Variants in PIK3C2A observed in about 807,000 individuals in gnomAD.
PIK3C2A encodes phosphatidylinositol 4-phosphate 3-kinase C2 domain-containing subunit alpha.
Under a neutral mutation model 204.5 loss-of-function variants are expected in PIK3C2A, and 97 were observed. The ratio of observed to expected loss-of-function variants is 0.47; its 90% CI spans 0.40 to 0.56. The LOEUF (loss-of-function observed/expected upper bound fraction) is 0.56. PIK3C2A is among the 20% of genes least tolerant of loss of function. The pLI, the probability that PIK3C2A is intolerant of heterozygous loss-of-function variation, is 0.00. For missense variants in PIK3C2A, 1,735 were observed against 1,969.2 expected, an observed-to-expected ratio of 0.88 and a Z score of 2.25; for synonymous variants, 653 against 664.4, an observed-to-expected ratio of 0.98 and a Z score of 0.26.
intron 1 of PIK3C2A, among the ~76,000 whole-genome samples, chr11:17,177,017 A>C (rs1333319033): frequency 6.6e-6 from 1 of 152,200 alleles, no homozygotes; most frequent in African/African-American, 2.4e-5. Flanking sequence ...AAATTTAAGC[A>C]TACAAGTTAT....
Position 17,186,709 on chromosome 11 carries a change from T to A in PIK3C2A, c.-65-16903A>T, listed in dbSNP as rs1851764562. On this transcript the variant is annotated intron_variant, in intron 1 of 32. Transcript: ENST00000691414. ...TTCTTCAGAGCCACATGGCCCTTTT[T>A]AGTCAGACCAAAACACATTCCTATT... Among the ~76,000 whole-genome samples, 4 of 152,370 alleles carry A rather than the reference T, an allele frequency of 2.6e-5. No homozygotes were observed. In the South Asian group the frequency reaches 8.3e-4, roughly 32 times the overall value.
chr11:17,112,520 T>G, intron 21 of PIK3C2A, 54 bp downstream of exon 21: 1 of 801,494 alleles, frequency 1.2e-6, no homozygotes, highest in East Asian at 2.7e-5. Flanking sequence ...GGAAAGTAAT[T>G]TGATAAAAAA....
At chr11:17,105,435 T>G in intron 22 of PIK3C2A, 130 bp from the exon 23 acceptor site, 1 of 732,560 alleles carries the variant, frequency 1.4e-6, no homozygotes, top group Non-Finnish European at 2.2e-6. Context: ...ATGTGCAAGT[T>G]TGTTACATAG....
chr11:17,159,873 G>GA (rs1850718996), intron 2 of PIK3C2A, among the ~76,000 whole-genome samples: 1 of 152,102 alleles, frequency 6.6e-6, no homozygotes. Flanking sequence ...CCAAAGGTAG[G>GA]AAAAAAATTG....
chr11:17,107,101 C>G (rs1848846689), intron 22 of PIK3C2A, among the ~76,000 whole-genome samples: 1 of 152,122 alleles, frequency 6.6e-6, no homozygotes, highest in Non-Finnish European at 1.5e-5. Flanking sequence ...ATCACAAGGT[C>G]AGGAGATCGA....
intron 32 of PIK3C2A, 97 bp from the exon 33 acceptor site, chr11:17,090,017 G>A (rs1565232236): frequency 1.1e-6 from 1 of 875,454 alleles, no homozygotes; most frequent in Admixed American, 2.3e-5. Flanking sequence ...TAGCCAAAGA[G>A]TGACCACAAT....
intron 8 of PIK3C2A, 45 bp downstream of exon 8, chr11:17,145,623 C>A (rs6486351): frequency 0.017 from 19,552 of 1,126,428 alleles, 1,174 homozygotes; most frequent in African/African-American, 0.16. Context: ...AAAGAAGCAG[C>A]AAGAATCTTT....
chr11:17,144,518 GA>G (rs1850166834), intron 8 of PIK3C2A, among the ~76,000 whole-genome samples: 1 of 152,138 alleles, frequency 6.6e-6, no homozygotes, highest in Non-Finnish European at 1.5e-5. Context: ...GCTGAAGTGA[GA>G]ATAAACATGT....
chr11:17,198,641 C>T (rs548996300), intron 1 of PIK3C2A, among the ~76,000 whole-genome samples: 1 of 152,024 alleles, frequency 6.6e-6, no homozygotes, highest in Non-Finnish European at 1.5e-5. Context: ...ATGTTGCTAC[C>T]ATTAACTGTG....
At chr11:17,194,163 C>T in intron 1 of PIK3C2A, 1 of 711,340 alleles carries the variant, frequency 1.4e-6, no homozygotes, top group South Asian at 4.9e-5. Context: ...GGGAAGCGTG[C>T]TTGTGCCCGC....
At chr11:17,142,130 T>C (rs1322358509) in intron 8 of PIK3C2A, among the ~76,000 whole-genome samples, 3 of 152,174 alleles carry the variant, frequency 2.0e-5, no homozygotes, top group South Asian at 2.1e-4. Context: ...TGAATAGATA[T>C]GATGGGTACT....
rs1565247486 is a variant in PIK3C2A, at chr11:17,110,578, C to A, written c.3415-17G>T. On this transcript the variant is annotated splice_polypyrimidine_tract_variant and intron_variant, in intron 21 of 32. Transcript: ENST00000691414. ...TTCACCAACCTTGAAATCAAGGAAA[C>A]AAAATGAAACTTGTACATCTCCAAA... 6.3e-7 allele frequency: 1 copy of A among 1,598,924 alleles called. No individual in the cohort carries two copies. The highest frequency in any genetic ancestry group is 8.5e-7 in the Non-Finnish European group (1 of 1,173,500).
At chr11:17,099,720 CCTA>C (rs1330028194) in intron 26 of PIK3C2A, 137 bp downstream of exon 26, 2 of 487,794 alleles carry the variant, frequency 4.1e-6, no homozygotes, top group African/African-American at 2.0e-5. Context: ...CTTTTGACAG[CCTA>C]CTATGTGCAA....
chr11:17,180,252 A>G lies in PIK3C2A; in HGVS notation c.-65-10446T>C, dbSNP rs12278267. The stretch of plus-strand genomic sequence containing the variant: ...AAAAATCAGCAGGGCGTGGTGGCAC[A>G]TGTTACTCGGGAGTCTGAGATGGGA... On this transcript the variant is annotated intron_variant, in intron 1 of 32. Coordinates refer to ENST00000691414, the MANE Select transcript of PIK3C2A (RefSeq NM_002645.4). Among the ~76,000 whole-genome samples, 901 of 151,816 alleles carry G rather than the reference A, an allele frequency of 5.9e-3. 18 individuals carry two copies. The highest frequency in any genetic ancestry group is 0.021 in the African/African-American group (857 of 41,214).
intron 3 of PIK3C2A, among the ~76,000 whole-genome samples, chr11:17,155,204 C>A (rs1395284423): frequency 6.6e-6 from 1 of 152,150 alleles, no homozygotes; most frequent in Non-Finnish European, 1.5e-5. Context: ...AAGTTTACAG[C>A]AAAATTAAGT....
At chr11:17,150,788 A>G (rs1475115443) in intron 3 of PIK3C2A, 133 bp from the exon 4 acceptor site, 4 of 470,584 alleles carry the variant, frequency 8.5e-6, no homozygotes, top group Non-Finnish European at 1.1e-5. Context: ...TGAAACTGCA[A>G]TGAATGAGCT....
At chr11:17,143,988 T>A (rs75936725) in intron 8 of PIK3C2A, among the ~76,000 whole-genome samples, 1 of 148,082 alleles carries the variant, frequency 6.8e-6, no homozygotes, top group Non-Finnish European at 1.5e-5. Flanking sequence ...GTTTTGTTAA[T>A]TTTTTTTTTT....
chr11:17,115,350 T>G (rs567034457), intron 19 of PIK3C2A, among the ~76,000 whole-genome samples: 6 of 114,396 alleles, frequency 5.2e-5, no homozygotes, highest in Non-Finnish European at 8.7e-5. Context: ...CTGGGAAACA[T>G]GGCAAAACCC....
intron 13 of PIK3C2A, among the ~76,000 whole-genome samples, 176 bp from the exon 14 acceptor site, chr11:17,122,989 G>A (rs895467141): frequency 2.6e-5 from 4 of 152,082 alleles, no homozygotes; most frequent in Non-Finnish European, 5.9e-5. Flanking sequence ...TCAGGTGTAG[G>A]GTAAATGTAT....
Sources: allele counts gnomAD v4.1 joint callset (sites outside exome capture counted in the v4.1 genomes callset), GRCh38; gene constraint gnomAD v4.1.1; transcripts MANE v1.5; gene names NCBI Gene and HGNC (gene_info 2026-07-23, HGNC 2026-07-21).